RNF217: variants seen among roughly 807,000 people sequenced by gnomAD.
The protein encoded by RNF217 is ring finger protein 217.
Under a neutral mutation model 57.8 loss-of-function variants are expected in RNF217, and 31 were observed. That is an observed-to-expected ratio of 0.54 (90% confidence interval 0.40 to 0.72). RNF217 has a LOEUF of 0.72. RNF217 is among the 30% of genes least tolerant of loss of function. The pLI is 0.00. For missense variants in RNF217, 696 were observed against 708.3 expected (o/e 0.98, Z 0.20); for synonymous variants, 313 against 294.0 (o/e 1.06, Z -0.66).
At chr6:125,028,731 TAAAAG>T (rs943865890) in intron 1 of RNF217, among the ~76,000 whole-genome samples, 16 of 152,104 alleles carry the variant, frequency 1.1e-4, no homozygotes, top group African/African-American at 3.9e-4. Context: ...GTGTTTCACT[TAAAAG>T]AGAATGGTGT....
chr6:125,080,390 AAGTT>A (rs1788528710), intron 4 of RNF217, among the ~76,000 whole-genome samples: 1 of 152,160 alleles, frequency 6.6e-6, no homozygotes, highest in South Asian at 2.1e-4. Context: ...AAGAATAAAA[AAGTT>A]AGTATGTTTT....
chr6:124,985,711 T>TAA (rs541322522), intron 1 of RNF217, among the ~76,000 whole-genome samples: 1 of 151,794 alleles, frequency 6.6e-6, no homozygotes, highest in Non-Finnish European at 1.5e-5. Context: ...TATAGTATAG[T>TAA]AAAAAAAACA....
chr6:125,003,866 G>A (rs968893415), intron 1 of RNF217, among the ~76,000 whole-genome samples: 3 of 151,998 alleles, frequency 2.0e-5, no homozygotes, highest in Admixed American at 2.0e-4. Context: ...TGTTAGGTAC[G>A]TGGTTTTGAA....
chr6:125,072,041 G>T (rs9401803), intron 3 of RNF217, among the ~76,000 whole-genome samples: 9,168 of 152,194 alleles, frequency 0.06, 274 homozygotes, highest in South Asian at 0.11. Flanking sequence ...ATGTTTTAAG[G>T]CTTTGTGTTT....
chr6:125,059,125 G>T (rs1408353747), intron 3 of RNF217, among the ~76,000 whole-genome samples: 1 of 151,972 alleles, frequency 6.6e-6, no homozygotes, highest in Non-Finnish European at 1.5e-5. Context: ...TCACATACTG[G>T]TTTATAAATA....
At chr6:125,009,925 G>T (rs1242512938) in intron 1 of RNF217, among the ~76,000 whole-genome samples, 1 of 150,826 alleles carries the variant, frequency 6.6e-6, no homozygotes, top group Non-Finnish European at 1.5e-5. Flanking sequence ...TAGTTTTTTG[G>T]TTCATGCTTG....
chr6:124,991,903 C>T (rs944843008), intron 1 of RNF217, among the ~76,000 whole-genome samples: 2 of 152,162 alleles, frequency 1.3e-5, no homozygotes, highest in African/African-American at 4.8e-5. Context: ...ACTTTTCTGT[C>T]ATACCAGAAA....
chr6:125,077,203 C>T (rs150467514), intron 4 of RNF217, among the ~76,000 whole-genome samples: 4 of 152,084 alleles, frequency 2.6e-5, no homozygotes, highest in African/African-American at 4.8e-5. Context: ...AGCAGCAGGT[C>T]GTACACATAT....
chr6:124,983,963 G>A (rs935704926), intron 1 of RNF217, among the ~76,000 whole-genome samples: 3 of 152,188 alleles, frequency 2.0e-5, no homozygotes, highest in African/African-American at 4.8e-5. Flanking sequence ...GCATCCTCAC[G>A]TGACAGAAGG....
chr6:125,071,481 CATATGTGT>C (rs1425615598), intron 3 of RNF217, among the ~76,000 whole-genome samples: 1 of 123,076 alleles, frequency 8.1e-6, no homozygotes, highest in African/African-American at 3.2e-5. Context: ...CATCTGCCTA[CATATGTGT>C]GTGTGTGTGT....
intron 1 of RNF217, among the ~76,000 whole-genome samples, chr6:125,040,114 A>G (rs981949634): frequency 6.6e-6 from 1 of 152,112 alleles, no homozygotes. Context: ...AAGGAGATAG[A>G]GACATGAAAA....
intron 3 of RNF217, among the ~76,000 whole-genome samples, chr6:125,073,675 G>T (rs1392348656): frequency 6.6e-6 from 1 of 152,088 alleles, no homozygotes; most frequent in Non-Finnish European, 1.5e-5. Context: ...GCCTATCTAG[G>T]AAAGCACTCT....
intron 3 of RNF217, among the ~76,000 whole-genome samples, chr6:125,072,947 T>C (rs1788206133): frequency 6.6e-6 from 1 of 152,210 alleles, no homozygotes; most frequent in African/African-American, 2.4e-5. Flanking sequence ...GCCAATCTCA[T>C]GGTGCAGTTA....
intron 1 of RNF217, among the ~76,000 whole-genome samples, chr6:125,007,875 C>A (rs559254993): frequency 6.6e-6 from 1 of 152,070 alleles, no homozygotes; most frequent in Non-Finnish European, 1.5e-5. Context: ...TACATATATA[C>A]CTCTTATAAA....
Position 124,973,665 on chromosome 6 carries a change from A to G in RNF217, c.882+10239A>G, listed in dbSNP as rs147957534. Among the ~76,000 whole-genome samples the G allele has an allele frequency of 2.5e-3, 378 of 152,332 alleles. 2 individuals carry two copies. Among genetic ancestry groups the G allele is most frequent in the African/African-American group, 8.5e-3 (355 of 41,574 alleles). Reference sequence around the variant, plus strand: ...TTTAGATTGGTGCAAAAGTAATGGCAGAAACCCCAATGACTTGCATCAATC... The same window carrying G: ...TTTAGATTGGTGCAAAAGTAATGGCGGAAACCCCAATGACTTGCATCAATC... On this transcript the variant is annotated intron_variant, in intron 1 of 5. Coordinates refer to ENST00000521654, the MANE Select transcript of RNF217 (RefSeq NM_001286398.3).
chr6:125,015,450 AAAACTCT>A lies in RNF217; in HGVS notation c.883-29756_883-29750del, dbSNP rs554555674. 3.8e-3 allele frequency among the ~76,000 whole-genome samples: 586 copies of A among 152,230 alleles called. 4 individuals are homozygous for A. The highest frequency in any genetic ancestry group is 0.013 in the African/African-American group (556 of 41,564). On this transcript the variant is annotated intron_variant, in intron 1 of 5. Coordinates refer to ENST00000521654, the MANE Select transcript of RNF217 (RefSeq NM_001286398.3). Reference sequence around the variant, plus strand: ...CTACAATATAGTAGAGAAAACATGGAAAACTCTAAACGCTGAATGGTAGAGATTAGTT... The same window carrying A: ...CTACAATATAGTAGAGAAAACATGGAAAACGCTGAATGGTAGAGATTAGTT...
intron 1 of RNF217, among the ~76,000 whole-genome samples, chr6:125,034,532 T>A (rs1786518182): frequency 6.6e-6 from 1 of 152,102 alleles, no homozygotes; most frequent in East Asian, 1.9e-4. Flanking sequence ...TTCTGAGGGC[T>A]CTGTTCTGTT....
chr6:125,035,247 G>A (rs508123), intron 1 of RNF217, among the ~76,000 whole-genome samples: 5,833 of 151,990 alleles, frequency 0.038, 152 homozygotes, highest in South Asian at 0.082. Flanking sequence ...GAATAGGAGT[G>A]GTGAGAGAGG....
At chr6:125,044,868 G>C (rs780963066) in intron 1 of RNF217, among the ~76,000 whole-genome samples, 3 of 152,016 alleles carry the variant, frequency 2.0e-5, no homozygotes, top group Non-Finnish European at 2.9e-5. Flanking sequence ...TCTTGCAGTT[G>C]GTGCATCATC....
Sources: gnomAD v4.1 joint callset for allele counts (sites outside exome capture counted in the v4.1 genomes callset) on GRCh38, gnomAD v4.1.1 for gene constraint, MANE v1.5 for transcripts, NCBI Gene and HGNC (gene_info 2026-07-23, HGNC 2026-07-21) for gene names.